C6orf118: variants seen among roughly 807,000 people sequenced by gnomAD.
C6orf118 encodes uncharacterized protein C6orf118.
In C6orf118, 50 loss-of-function variants were observed where a neutral mutation model predicts 50.2. The ratio of observed to expected loss-of-function variants is 1.00; its 90% CI spans 0.79 to 1.26. The LOEUF (loss-of-function observed/expected upper bound fraction) is 1.26, where lower values mean the gene tolerates loss of function less well. C6orf118 is among the 50% of genes most tolerant of loss of function. C6orf118 has a pLI of 0.00. For synonymous variants in C6orf118, 239 were observed against 230.9 expected (o/e 1.03, Z -0.32); for missense variants, 641 against 578.7 (o/e 1.11, Z -1.10).
rs150904205 is a variant in C6orf118, at chr6:165,293,179, T to A, written c.1120+234A>T. On this transcript the variant is annotated intron_variant, in intron 6 of 8. Transcript: ENST00000230301. ...TGCAATTAATTCCTCATGAAATGCGTATTTTTCCTCACATGTAATAATGAA... is the reference window on the plus strand; with the variant it reads ...TGCAATTAATTCCTCATGAAATGCGAATTTTTCCTCACATGTAATAATGAA... The A allele has an allele frequency of 2.7e-5, 13 of 479,892 alleles. No homozygotes were observed. In the East Asian group the frequency reaches 4.0e-4, roughly 15 times the overall value. The allele number at this position is 479,892 out of a possible 1,614,324, so 29.7% of individuals were successfully genotyped here. A position where few individuals can be genotyped will look rare whatever the true frequency, so the allele number is the denominator to read the frequency against.
intron 6 of C6orf118, 89 bp downstream of exon 6, chr6:165,293,324 T>C (rs561142729): frequency 9.0e-5 from 107 of 1,189,756 alleles, no homozygotes; most frequent in African/African-American, 8.8e-4. Context: ...ATCTTCCAAG[T>C]TGACAGACAG....
rs142531484 is a variant in C6orf118, at chr6:165,280,906, G to T, written c.1356+734C>A. Reference sequence around the variant, plus strand: ...ACCTACACCTAAAAATCTTTTTCCTGTTGATACAAATAAGCCTTTCCCTAT... The same window carrying T: ...ACCTACACCTAAAAATCTTTTTCCTTTTGATACAAATAAGCCTTTCCCTAT... On this transcript the variant is annotated intron_variant, in intron 8 of 8. Coordinates refer to ENST00000230301, the MANE Select transcript of C6orf118 (RefSeq NM_144980.4). Among the ~76,000 whole-genome samples, 930 of 152,216 alleles carry T rather than the reference G, an allele frequency of 6.1e-3. 12 individuals are homozygous for T. Among genetic ancestry groups the T allele is most frequent in the African/African-American group, 0.021 (855 of 41,540 alleles).
chr6:165,296,244 TTTTTTG>T (rs1210575546), intron 5 of C6orf118, among the ~76,000 whole-genome samples: 14 of 103,562 alleles, frequency 1.4e-4, no homozygotes, highest in African/African-American at 6.6e-4. Flanking sequence ...GTTGTTTTCG[TTTTTTG>T]TTTTTTTTTT....
chr6:165,299,364 A>C, intron 4 of C6orf118, 79 bp downstream of exon 4: 1 of 1,329,194 alleles, frequency 7.5e-7, no homozygotes, highest in African/African-American at 1.5e-5. Flanking sequence ...TCTTGGATTC[A>C]GAAAGGTTTC....
chr6:165,308,755 G>A (rs1220308755), intron 1 of C6orf118, among the ~76,000 whole-genome samples: 1 of 152,186 alleles, frequency 6.6e-6, no homozygotes, highest in Non-Finnish European at 1.5e-5. Context: ...TTTACAGGAG[G>A]GGAAACTGAG....
intron 1 of C6orf118, among the ~76,000 whole-genome samples, chr6:165,303,093 C>A (rs1472410678): frequency 6.6e-6 from 1 of 152,216 alleles, no homozygotes; most frequent in African/African-American, 2.4e-5. Context: ...ACACTGTGTA[C>A]TGTGATGGCC....
chr6:165,294,364 C>T (rs753850442), intron 5 of C6orf118, among the ~76,000 whole-genome samples: 1 of 151,484 alleles, frequency 6.6e-6, no homozygotes, highest in Non-Finnish European at 1.5e-5. Flanking sequence ...TCAGAGTAAC[C>T]TACATCAGCT....
At chr6:165,290,223 C>T (rs1416153154) in intron 6 of C6orf118, among the ~76,000 whole-genome samples, 156 bp from the exon 7 acceptor site, 1 of 151,940 alleles carries the variant, frequency 6.6e-6, no homozygotes, top group African/African-American at 2.4e-5. Flanking sequence ...TAATCTGACC[C>T]CAGAATGAGG....
chr6:165,295,938 A>G (rs1206978673), intron 5 of C6orf118, among the ~76,000 whole-genome samples: 2 of 63,818 alleles, frequency 3.1e-5, no homozygotes, highest in Non-Finnish European at 6.2e-5. Flanking sequence ...CCACCACCAC[A>G]CCCCTGCCAT....
chr6:165,288,450 A>G (rs942575463), intron 7 of C6orf118, among the ~76,000 whole-genome samples: 4 of 152,304 alleles, frequency 2.6e-5, no homozygotes, highest in Admixed American at 2.6e-4. Flanking sequence ...ACCCAAAGGA[A>G]TATAAATCAT....
rs779118761 is a variant in C6orf118 at position 165,293,336 on chromosome 6, C to A, written c.1120+77G>T. ...AGCATCTTCCAAGTTGACAGACAGG[C>A]AGCCACACTGCAGCAGCTGAAATAA... On this transcript the variant is annotated intron_variant, in intron 6 of 8. Coordinates refer to ENST00000230301, the MANE Select transcript of C6orf118 (RefSeq NM_144980.4). 4.6e-6 allele frequency: 6 copies of A among 1,314,064 alleles called. No homozygotes were observed. The East Asian group carries it at 1.4e-4, about 30-fold the overall frequency. The allele number at this position is 1,314,064 out of a possible 1,614,324, so 81.4% of individuals were successfully genotyped here.
intron 8 of C6orf118, 57 bp downstream of exon 8, chr6:165,281,583 G>A: frequency 2.7e-6 from 4 of 1,475,046 alleles, no homozygotes; most frequent in Non-Finnish European, 3.6e-6. Flanking sequence ...CACAGGACAA[G>A]CAGTCACCAG....
rs116690319 is a variant in C6orf118 at position 165,285,422 on chromosome 6, G to A, written c.1303-3729C>T. Reference sequence around the variant, plus strand: ...ACAGAAAATTAACAAAGATATTCACGACTTGAAATCAGCTCAGATCAAGTG... The same window carrying A: ...ACAGAAAATTAACAAAGATATTCACAACTTGAAATCAGCTCAGATCAAGTG... On this transcript the variant is annotated intron_variant, in intron 7 of 8. Transcript: ENST00000230301. Among the ~76,000 whole-genome samples, 310 of 152,132 alleles carry A rather than the reference G, an allele frequency of 2.0e-3. 1 individual carries two copies. Among genetic ancestry groups the A allele is most frequent in the Middle Eastern group, 6.8e-3 (2 of 292 alleles).
At chr6:165,283,689 T>C (rs551396888) in intron 7 of C6orf118, among the ~76,000 whole-genome samples, 2 of 152,094 alleles carry the variant, frequency 1.3e-5, no homozygotes, top group African/African-American at 2.4e-5. Flanking sequence ...CCAAGGTGAA[T>C]AGAGTCCGAA....
intron 1 of C6orf118, among the ~76,000 whole-genome samples, chr6:165,302,627 T>A (rs539308679): frequency 6.6e-6 from 1 of 152,160 alleles, no homozygotes. Flanking sequence ...AAGTGTACAA[T>A]CTTAATTATA....
chr6:165,281,816 C>A, intron 7 of C6orf118, 123 bp from the exon 8 acceptor site: 1 of 482,052 alleles, frequency 2.1e-6, no homozygotes, highest in Non-Finnish European at 3.5e-6. Flanking sequence ...TAGCACATTA[C>A]TTAAAAACAG....
chr6:165,302,397 G>T (rs980218689), intron 1 of C6orf118, 101 bp from the exon 2 acceptor site: 7 of 1,415,230 alleles, frequency 4.9e-6, no homozygotes, highest in South Asian at 1.3e-5. Flanking sequence ...CCAAAAGAGG[G>T]TCTATGGAGA....
Position 165,301,591 on chromosome 6 carries a change from C to A in C6orf118, c.731G>T (p.Gly244Val). The change falls in exon 2 of 9, where the codon GGC becomes GTC. Residue 244 changes from glycine to valine, a missense_variant. By Grantham distance (109) the Gly-to-Val change is moderately radical. Transcript: ENST00000230301. Reference sequence around the variant, plus strand: ...CACCTGCTGCAGCTTTCTCTCGTGGCCCGCGGCCGCCTTGCTCCCAGTGAA... The same window carrying A: ...CACCTGCTGCAGCTTTCTCTCGTGGACCGCGGCCGCCTTGCTCCCAGTGAA... ...NDFTGSKAAA[G>V]HERKLQQELQ... is the part of the protein sequence containing the mutation. The A allele has an allele frequency of 6.2e-7, 1 of 1,613,190 alleles. No individual in the cohort carries two copies. Among genetic ancestry groups the A allele is most frequent in the Admixed American group, 1.7e-5 (1 of 59,992 alleles).
chr6:165,298,125 G>A lies in C6orf118; in HGVS notation c.937-24C>T, dbSNP rs1052624644. On this transcript the variant is annotated intron_variant, in intron 4 of 8. Transcript: ENST00000230301. The stretch of plus-strand genomic sequence containing the variant: ...GCCTAGGCAGGACCAGGTACATGAG[G>A]TGAGACAAGCACACAGGGAGGGCGG... The A allele has an allele frequency of 8.4e-6, 13 of 1,552,300 alleles. No individual in the cohort carries two copies. In the African/African-American group the frequency reaches 1.5e-4, roughly 18 times the overall value.
Sources: allele counts gnomAD v4.1 joint callset (sites outside exome capture counted in the v4.1 genomes callset), GRCh38; gene constraint gnomAD v4.1.1; transcripts MANE v1.5; gene names NCBI Gene and HGNC (gene_info 2026-07-23, HGNC 2026-07-21).